The following NAA40 variants were observed in gnomAD, a reference collection of about 807,000 sequenced individuals.
NAA40 encodes the protein N-alpha-acetyltransferase 40.
In NAA40, 26 loss-of-function variants were observed where a neutral mutation model predicts 36.6. That is an observed-to-expected ratio of 0.71 (90% CI 0.52 to 0.98). The LOEUF (loss-of-function observed/expected upper bound fraction) is 0.98, where lower values mean the gene tolerates loss of function less well. Among genes scored for constraint, NAA40 ranks in the 50% least tolerant of loss-of-function variants. NAA40 has a pLI of 0.00. For missense variants in NAA40, 237 were observed against 306.5 expected (o/e 0.77, Z 1.69); for synonymous variants, 129 against 108.4 (o/e 1.19, Z -1.18).
chr11:63,951,535 G>A (rs145350399), intron 3 of NAA40, among the ~76,000 whole-genome samples: 27 of 152,292 alleles, frequency 1.8e-4, no homozygotes, highest in African/African-American at 3.1e-4. Flanking sequence ...TAGTACAGAC[G>A]GGATTTCACC....
At chr11:63,951,453 C>T (rs1228906107) in intron 3 of NAA40, among the ~76,000 whole-genome samples, 1 of 152,170 alleles carries the variant, frequency 6.6e-6, no homozygotes, top group Non-Finnish European at 1.5e-5. Context: ...AAGCGATTCT[C>T]CTGCCTCAGC....
chr11:63,952,633 G>A lies in NAA40; in HGVS notation c.410+68G>A, dbSNP rs1003911298. 3 of 1,605,828 alleles carry A rather than the reference G, an allele frequency of 1.9e-6. No individual in the cohort carries two copies. The African/African-American group carries it at 4.0e-5, about 21-fold the overall frequency. On this transcript the variant is annotated intron_variant, in intron 5 of 7. Coordinates refer to ENST00000377793, the MANE Select transcript of NAA40 (RefSeq NM_024771.4). ...GCGATGTTCCAGGCACTCCAGCCAG[G>A]TGACAAAGCCCCTGGACCTACCTAG...
At chr11:63,948,546 G>A (rs1419835214) in intron 3 of NAA40, among the ~76,000 whole-genome samples, 1 of 151,162 alleles carries the variant, frequency 6.6e-6, no homozygotes, top group African/African-American at 2.4e-5. Flanking sequence ...GTAAAACCCC[G>A]TCTCTACTAA....
chr11:63,955,028 G>A lies in NAA40; in HGVS notation c.*549G>A, dbSNP rs1213211346. The A allele has an allele frequency of 6.6e-6, 1 of 152,628 alleles. No individual in the cohort carries two copies. The highest frequency in any genetic ancestry group is 1.9e-4 in the East Asian group (1 of 5,194). 9.5% of individuals were successfully genotyped at this position (152,628 alleles called of 1,614,324 possible). ...CTGGGAAGATCTTTTGTGCCAAGAT[G>A]CAGGGAAATGAAGAAAGCTCTTTCC... On this transcript the variant is annotated 3_prime_UTR_variant, in exon 8 of 8. Transcript: ENST00000377793.
intron 3 of NAA40, among the ~76,000 whole-genome samples, chr11:63,949,642 A>C (rs1341763174): frequency 6.6e-6 from 1 of 151,820 alleles, no homozygotes; most frequent in African/African-American, 2.4e-5. Context: ...ATTGAATTGT[A>C]GCTGGGCTTC....
chr11:63,953,654 CT>C (rs1354168497), intron 6 of NAA40, among the ~76,000 whole-genome samples: 3 of 151,836 alleles, frequency 2.0e-5, no homozygotes, highest in Non-Finnish European at 1.5e-5. Flanking sequence ...GGGTCTCACC[CT>C]GTCACCCAGG....
intron 1 of NAA40, among the ~76,000 whole-genome samples, chr11:63,942,728 C>T (rs558586198): frequency 3.3e-5 from 5 of 152,346 alleles, no homozygotes; most frequent in South Asian, 2.1e-4. Flanking sequence ...TTTCCTAGTG[C>T]GGCCCCTCCC....
chr11:63,946,657 T>A (rs966577337), intron 2 of NAA40: 2 of 1,390,768 alleles, frequency 1.4e-6, no homozygotes, highest in Non-Finnish European at 1.9e-6. Context: ...AGCCTCTTCT[T>A]TGGGTTAGCT....
intron 5 of NAA40, 46 bp from the exon 6 acceptor site, chr11:63,952,709 CT>C: frequency 6.2e-7 from 1 of 1,610,156 alleles, no homozygotes; most frequent in South Asian, 1.1e-5. Flanking sequence ...CTTACAGCCT[CT>C]TCATGTCCCA....
chr11:63,954,433 GC>G lies in NAA40; in HGVS notation c.670del (p.His224IlefsTer28). The G allele has an allele frequency of 6.2e-7, 1 of 1,612,710 alleles. No homozygotes were observed. Among genetic ancestry groups the G allele is most frequent in the Admixed American group, 1.7e-5 (1 of 59,792 alleles). ...AGCCGGAGGACCAAGTTTGGGGACA[GC>G]CATCACTCCCACGCGGGTGGGCACT... ...ILSRRTKFGD[S>X]HHSHAGGHCG... On this transcript the variant is annotated frameshift_variant, in exon 8 of 8. Transcript: ENST00000377793. LOFTEE classifies it high-confidence loss of function.
intron 1 of NAA40, among the ~76,000 whole-genome samples, chr11:63,942,523 G>T (rs528264173): frequency 6.6e-6 from 1 of 152,144 alleles, no homozygotes; most frequent in Non-Finnish European, 1.5e-5. Context: ...ATCAAATCCA[G>T]GTCTTTTGAT....
Position 63,954,427 on chromosome 11 carries a change from G to A in NAA40, c.662G>A (p.Gly221Glu). Residue 221 changes from glycine (G) to glutamate (E), a missense_variant, in exon 8 of 8, where the codon GGG becomes GAG. Coordinates refer to ENST00000377793, the MANE Select transcript of NAA40 (RefSeq NM_024771.4). Reference sequence around the variant, plus strand: ...ATCCTGAGCCGGAGGACCAAGTTTGGGGACAGCCATCACTCCCACGCGGGT... The same window carrying A: ...ATCCTGAGCCGGAGGACCAAGTTTGAGGACAGCCATCACTCCCACGCGGGT... The part of the protein sequence containing the change: ...YEILSRRTKF[G>E]DSHHSHAGGH... 6.2e-7 allele frequency: 1 copy of A among 1,612,978 alleles called. No individual in the cohort carries two copies. Among genetic ancestry groups the A allele is most frequent in the Non-Finnish European group, 8.5e-7 (1 of 1,179,474 alleles).
intron 2 of NAA40, chr11:63,946,726 T>G: frequency 3.9e-6 from 6 of 1,523,362 alleles, no homozygotes; most frequent in Non-Finnish European, 5.3e-6. Context: ...CCCTGTCAGG[T>G]GATGCCAAAC....
chr11:63,951,000 G>T (rs1331918563), intron 3 of NAA40, among the ~76,000 whole-genome samples: 1 of 152,170 alleles, frequency 6.6e-6, no homozygotes, highest in East Asian at 1.9e-4. Flanking sequence ...TGGCTAAGTG[G>T]GTGATAAAGA....
At chr11:63,948,587 G>A (rs773270045) in intron 3 of NAA40, among the ~76,000 whole-genome samples, 28 of 151,836 alleles carry the variant, frequency 1.8e-4, no homozygotes, top group Non-Finnish European at 3.1e-4. Context: ...GCATGGTGGC[G>A]GGCACCTGTA....
rs1456612119 is a variant in NAA40, at chr11:63,956,970, C to CT, written c.*2492dup. ...CCTAGGCGACAGAGTGAGACTCCAT[C>CT]TCAAAAAAAAAAAAAAGAGAAACAT... On this transcript the variant is annotated 3_prime_UTR_variant, in exon 8 of 8. Coordinates refer to ENST00000377793, the MANE Select transcript of NAA40 (RefSeq NM_024771.4). The CT allele has an allele frequency of 2.8e-5, 4 of 143,842 alleles. No individual in the cohort carries two copies. In the East Asian group the frequency reaches 7.9e-4, roughly 28 times the overall value. 8.9% of individuals were successfully genotyped at this position (143,842 alleles called of 1,614,324 possible). A position where few individuals can be genotyped will look rare whatever the true frequency, so the allele number is the denominator to read the frequency against.
intron 7 of NAA40, 76 bp downstream of exon 7, chr11:63,954,125 C>G (rs1370522365): frequency 6.7e-7 from 1 of 1,497,356 alleles, no homozygotes; most frequent in Non-Finnish European, 9.2e-7. Context: ...CTGGCCCTCA[C>G]TCATTCTGAT....
chr11:63,945,128 T>TCTGCTGCCCTG (rs1425416362), intron 1 of NAA40, among the ~76,000 whole-genome samples: 1 of 152,220 alleles, frequency 6.6e-6, no homozygotes, highest in Non-Finnish European at 1.5e-5. Context: ...TTGCTGCTCC[T>TCTGCTGCCCTG]CTGCTGCCCT....
rs982455188 is a variant in NAA40 at position 63,956,989 on chromosome 11, G to C, written c.*2510G>C. On this transcript the variant is annotated 3_prime_UTR_variant, in exon 8 of 8. Coordinates refer to ENST00000377793, the MANE Select transcript of NAA40 (RefSeq NM_024771.4). Reference sequence around the variant, plus strand: ...CTCCATCTCAAAAAAAAAAAAAAGAGAAACATAGCAGGCCTTTTTTACCAG... The same window carrying C: ...CTCCATCTCAAAAAAAAAAAAAAGACAAACATAGCAGGCCTTTTTTACCAG... 10 of 151,142 alleles carry C rather than the reference G, an allele frequency of 6.6e-5. No homozygotes were observed. The highest frequency in any genetic ancestry group is 2.4e-4 in the African/African-American group (10 of 41,094). 9.4% of individuals were successfully genotyped at this position (151,142 alleles called of 1,614,324 possible).
Sources: allele counts gnomAD v4.1 joint callset (sites outside exome capture counted in the v4.1 genomes callset), GRCh38; gene constraint gnomAD v4.1.1; transcripts MANE v1.5; gene names NCBI Gene and HGNC (gene_info 2026-07-23, HGNC 2026-07-21).